EPHA6: variants seen among roughly 807,000 people sequenced by gnomAD.
The protein encoded by EPHA6 is EPH receptor A6.
In EPHA6, 50 loss-of-function variants were observed where a neutral mutation model predicts 112.0. That is an observed-to-expected ratio of 0.45 (90% CI 0.36 to 0.56). The LOEUF is 0.56. Ranked by LOEUF, EPHA6 falls within the 20% of genes least tolerant of loss-of-function variation. The pLI, the probability that EPHA6 is intolerant of heterozygous loss-of-function variation, is 0.00. For missense variants in EPHA6, 1,280 were observed against 1,417.4 expected (o/e 0.90, Z 1.56); for synonymous variants, 529 against 490.7 (o/e 1.08, Z -1.03).
chr3:97,641,732 C>T (rs969100767), intron 14 of EPHA6, among the ~76,000 whole-genome samples: 6 of 152,204 alleles, frequency 3.9e-5, no homozygotes, highest in East Asian at 3.9e-4. Context: ...CTTTTCAGAC[C>T]GGCTTAAAAA....
At chr3:97,022,089 C>A (rs530347879) in intron 3 of EPHA6, among the ~76,000 whole-genome samples, 1 of 152,234 alleles carries the variant, frequency 6.6e-6, no homozygotes, top group East Asian at 1.9e-4. Context: ...TAAATGTTTT[C>A]TTCTAATACT....
At chr3:97,248,122 A>T (rs1005213240) in intron 5 of EPHA6, among the ~76,000 whole-genome samples, 16 of 152,050 alleles carry the variant, frequency 1.1e-4, no homozygotes, top group African/African-American at 3.9e-4. Flanking sequence ...ACTTAGAACC[A>T]CTTAGATGTA....
intron 3 of EPHA6, among the ~76,000 whole-genome samples, chr3:97,095,529 G>T (rs970729541): frequency 1.3e-5 from 2 of 151,898 alleles, no homozygotes; most frequent in Non-Finnish European, 2.9e-5. Context: ...GGCACAGGCT[G>T]ATAATGCTTA....
intron 3 of EPHA6, among the ~76,000 whole-genome samples, chr3:97,018,064 G>C (rs1559672222): frequency 6.7e-6 from 1 of 149,958 alleles, no homozygotes; most frequent in Admixed American, 6.6e-5. Flanking sequence ...GATCAAACCT[G>C]CTATTGAAAG....
At chr3:97,129,490 C>T (rs35410201) in intron 3 of EPHA6, among the ~76,000 whole-genome samples, 23,448 of 149,628 alleles carry the variant, frequency 0.16, 2,057 homozygotes, top group Admixed American at 0.26. Context: ...CGACAGACTT[C>T]GTCTCAAAAA....
chr3:97,582,320 C>T lies in EPHA6; in HGVS notation c.2387-10292C>T, dbSNP rs187957904. 4.5e-4 allele frequency among the ~76,000 whole-genome samples: 68 copies of T among 152,252 alleles called. No homozygotes were observed. In the South Asian group the frequency reaches 8.9e-3, roughly 20 times the overall value. On this transcript the variant is annotated intron_variant, in intron 11 of 17. Coordinates refer to ENST00000389672, the MANE Select transcript of EPHA6 (RefSeq NM_001080448.3). ...CTAGCATTGCAGGTGTGAGCCACCA[C>T]GCCTGGCCATAAAGCCACTCTTATG...
intron 7 of EPHA6, among the ~76,000 whole-genome samples, chr3:97,473,522 AGC>A (rs1340185678): frequency 6.6e-6 from 1 of 151,888 alleles, no homozygotes; most frequent in African/African-American, 2.4e-5. Flanking sequence ...AACAAATTAT[AGC>A]TACCTAACTA....
chr3:97,478,588 G>GA (rs200638857), intron 8 of EPHA6, among the ~76,000 whole-genome samples: 14 of 148,492 alleles, frequency 9.4e-5, no homozygotes, highest in Middle Eastern at 3.4e-3. Context: ...ACATAAAATA[G>GA]AAAAAAAAAT....
At chr3:97,578,573 C>A (rs906968973) in intron 11 of EPHA6, among the ~76,000 whole-genome samples, 1 of 152,178 alleles carries the variant, frequency 6.6e-6, no homozygotes, top group East Asian at 1.9e-4. Flanking sequence ...CACTGTCAGT[C>A]TCTGCCACCA....
intron 14 of EPHA6, among the ~76,000 whole-genome samples, chr3:97,694,211 C>T (rs1398472555): frequency 6.6e-6 from 1 of 151,616 alleles, no homozygotes. Context: ...GAATAGATGT[C>T]TATGAGCCCT....
At chr3:97,381,170 C>T (rs1163232287) in intron 5 of EPHA6, among the ~76,000 whole-genome samples, 3 of 152,092 alleles carry the variant, frequency 2.0e-5, no homozygotes, top group Admixed American at 6.5e-5. Context: ...TGAAAATACA[C>T]TTGAGGGCAT....
At chr3:97,662,663 G>A (rs185114419) in intron 14 of EPHA6, among the ~76,000 whole-genome samples, 1 of 152,254 alleles carries the variant, frequency 6.6e-6, no homozygotes, top group African/African-American at 2.4e-5. Flanking sequence ...ATAATCTTTA[G>A]GGAATATTTA....
chr3:97,226,150 G>GTCT (rs2108543925), intron 3 of EPHA6, 114 bp from the exon 4 acceptor site: 2 of 798,694 alleles, frequency 2.5e-6, no homozygotes, highest in Non-Finnish European at 3.8e-6. Flanking sequence ...CTATGTATGT[G>GTCT]TAACACTGTA....
chr3:97,084,101 G>GATATAT (rs141072928), intron 3 of EPHA6, among the ~76,000 whole-genome samples: 46 of 103,608 alleles, frequency 4.4e-4, no homozygotes, highest in Non-Finnish European at 8.2e-4. Context: ...TGTGTGCATG[G>GATATAT]ATATATATAT....
rs2084910527 is a variant in EPHA6 at position 97,369,204 on chromosome 3, G to T, written c.1607-35946G>T. 2.6e-5 allele frequency among the ~76,000 whole-genome samples: 4 copies of T among 152,260 alleles called. No individual in the cohort carries two copies. The South Asian group carries it at 8.3e-4, about 32-fold the overall frequency. ...TGGAGGCCAGAACATGCAAGTAATAGATTTGGATTATATTTTAAGTTCTTT... is the reference window on the plus strand; with the variant it reads ...TGGAGGCCAGAACATGCAAGTAATATATTTGGATTATATTTTAAGTTCTTT... On this transcript the variant is annotated intron_variant, in intron 5 of 17. Transcript: ENST00000389672.
At chr3:97,512,584 A>G (rs2092384457) in intron 10 of EPHA6, among the ~76,000 whole-genome samples, 1 of 152,096 alleles carries the variant, frequency 6.6e-6, no homozygotes, top group African/African-American at 2.4e-5. Context: ...TATTGTTTTG[A>G]GGCAGAGTCT....
chr3:97,079,803 A>G (rs1441582606), intron 3 of EPHA6, among the ~76,000 whole-genome samples: 1 of 152,088 alleles, frequency 6.6e-6, no homozygotes, highest in Non-Finnish European at 1.5e-5. Context: ...AGCCTTCAGC[A>G]GCTACCATCC....
intron 6 of EPHA6, among the ~76,000 whole-genome samples, chr3:97,429,660 A>C (rs1202411283): frequency 6.6e-6 from 1 of 152,180 alleles, no homozygotes; most frequent in Non-Finnish European, 1.5e-5. Context: ...TAGTTTTACC[A>C]ATTACTTTTT....
intron 3 of EPHA6, among the ~76,000 whole-genome samples, chr3:97,028,700 GTTAT>G (rs1364314987): frequency 6.6e-6 from 1 of 151,874 alleles, no homozygotes; most frequent in African/African-American, 2.4e-5. Flanking sequence ...GTTTATAGAT[GTTAT>G]TTAATTTTAA....
Sources: gnomAD v4.1 joint callset for allele counts (sites outside exome capture counted in the v4.1 genomes callset) on GRCh38, gnomAD v4.1.1 for gene constraint, MANE v1.5 for transcripts, NCBI Gene and HGNC (gene_info 2026-07-23, HGNC 2026-07-21) for gene names.